SLC39A11: variants seen among roughly 807,000 people sequenced by gnomAD.
SLC39A11 encodes zinc transporter ZIP11.
Under a neutral mutation model 36.1 loss-of-function variants are expected in SLC39A11, and 33 were observed. The ratio of observed to expected loss-of-function variants is 0.91; its 90% CI spans 0.69 to 1.22. The LOEUF is 1.22. SLC39A11 is among the 50% of genes most tolerant of loss of function. SLC39A11 has a pLI of 0.00. For synonymous variants in SLC39A11, 166 were observed against 170.3 expected, an observed-to-expected ratio of 0.97 and a Z score of 0.20; for missense variants, 432 against 430.3, an observed-to-expected ratio of 1.00 and a Z score of -0.03.
intron 6 of SLC39A11, among the ~76,000 whole-genome samples, chr17:72,746,025 C>G (rs2074920871): frequency 6.6e-6 from 1 of 152,024 alleles, no homozygotes; most frequent in Non-Finnish European, 1.5e-5. Flanking sequence ...AGGCAAGAGG[C>G]AAAACTATGC....
At chr17:72,959,325 G>GTGTGTGTATATATATA (rs1436484912) in intron 4 of SLC39A11, among the ~76,000 whole-genome samples, 3 of 65,546 alleles carry the variant, frequency 4.6e-5, no homozygotes, top group African/African-American at 2.1e-4. Flanking sequence ...GTGTGTGTGT[G>GTGTGTGTATATATATA]TATATATATA....
At chr17:72,786,939 C>T (rs1004237399) in intron 6 of SLC39A11, among the ~76,000 whole-genome samples, 18 of 151,488 alleles carry the variant, frequency 1.2e-4, no homozygotes, top group African/African-American at 4.4e-4. Context: ...CCTGCCTCAG[C>T]CTCCCAGGTA....
At chr17:72,760,554 C>G (rs1412619676) in intron 6 of SLC39A11, among the ~76,000 whole-genome samples, 3 of 152,222 alleles carry the variant, frequency 2.0e-5, no homozygotes, top group Non-Finnish European at 4.4e-5. Context: ...CACCTACACA[C>G]CCCATCTCCT....
intron 1 of SLC39A11, among the ~76,000 whole-genome samples, chr17:73,090,810 G>A (rs2060898880): frequency 1.3e-5 from 2 of 152,156 alleles, no homozygotes. Flanking sequence ...CTGTCCCCAT[G>A]TATATCTGAG....
intron 4 of SLC39A11, among the ~76,000 whole-genome samples, chr17:73,021,064 C>G (rs1310408142): frequency 1.3e-5 from 2 of 152,120 alleles, no homozygotes; most frequent in South Asian, 4.1e-4. Flanking sequence ...ATCTCTACCC[C>G]CAAACTTCAC....
intron 4 of SLC39A11, among the ~76,000 whole-genome samples, chr17:73,005,387 C>T (rs1327238527): frequency 2.0e-5 from 3 of 152,182 alleles, no homozygotes; most frequent in Admixed American, 6.5e-5. Flanking sequence ...AGGGAACTGA[C>T]ACGTATCAAA....
intron 4 of SLC39A11, among the ~76,000 whole-genome samples, chr17:72,975,159 G>A (rs2087752840): frequency 6.6e-6 from 1 of 152,088 alleles, no homozygotes; most frequent in Non-Finnish European, 1.5e-5. Context: ...AGAGGTCCTA[G>A]ACCAGGCGGT....
intron 6 of SLC39A11, among the ~76,000 whole-genome samples, chr17:72,805,730 A>AT (rs796432423): frequency 4.0e-5 from 6 of 149,258 alleles, no homozygotes; most frequent in South Asian, 2.1e-4. Context: ...CTCAGAGTTA[A>AT]TTTTTTTTTC....
chr17:73,091,568 A>T (rs2060924098), intron 1 of SLC39A11, among the ~76,000 whole-genome samples: 1 of 152,158 alleles, frequency 6.6e-6, no homozygotes, highest in African/African-American at 2.4e-5. Flanking sequence ...CCAAAAGAAC[A>T]GAAAGTTTTC....
intron 4 of SLC39A11, among the ~76,000 whole-genome samples, chr17:73,004,179 G>GA (rs1390231957): frequency 8.0e-4 from 61 of 76,276 alleles, no homozygotes; most frequent in African/African-American, 3.5e-3. Flanking sequence ...AAGAAAGAAA[G>GA]AAAGAAAGAA....
At chr17:72,879,278 A>C (rs2081076083) in intron 5 of SLC39A11, among the ~76,000 whole-genome samples, 1 of 152,196 alleles carries the variant, frequency 6.6e-6, no homozygotes. Context: ...CCTTCTAATC[A>C]TGCCCTGGTC....
intron 2 of SLC39A11, among the ~76,000 whole-genome samples, chr17:73,086,083 G>A (rs1016750367): frequency 3.9e-5 from 6 of 152,190 alleles, no homozygotes; most frequent in African/African-American, 1.4e-4. Flanking sequence ...TGCTGTTAGA[G>A]ATCACATGGG....
At chr17:72,671,908 T>A (rs1190182490) in intron 7 of SLC39A11, among the ~76,000 whole-genome samples, 2 of 151,982 alleles carry the variant, frequency 1.3e-5, no homozygotes, top group Non-Finnish European at 2.9e-5. Context: ...AAGGGTAAAA[T>A]TTTTCAGTAA....
chr17:72,723,105 T>C (rs2073769438), intron 7 of SLC39A11, among the ~76,000 whole-genome samples: 1 of 152,162 alleles, frequency 6.6e-6, no homozygotes, highest in Non-Finnish European at 1.5e-5. Context: ...CCCAACAGTC[T>C]CATAGCCATG....
At chr17:72,833,836 C>G (rs2078394032) in intron 6 of SLC39A11, among the ~76,000 whole-genome samples, 1 of 152,124 alleles carries the variant, frequency 6.6e-6, no homozygotes, top group South Asian at 2.1e-4. Flanking sequence ...AACTCGCAAC[C>G]CACTTCAGTC....
chr17:72,852,355 T>C (rs914247771), intron 5 of SLC39A11, among the ~76,000 whole-genome samples: 1 of 152,092 alleles, frequency 6.6e-6, no homozygotes, highest in African/African-American at 2.4e-5. Context: ...TCTCTCTTAC[T>C]AACAGCTGAA....
chr17:72,693,732 G>A (rs778173889), intron 7 of SLC39A11, among the ~76,000 whole-genome samples: 8 of 152,020 alleles, frequency 5.3e-5, no homozygotes, highest in Non-Finnish European at 8.8e-5. Flanking sequence ...GCGCAATCTC[G>A]GCTCACTCCA....
At chr17:72,934,382 G>A (rs1040682315) in intron 5 of SLC39A11, among the ~76,000 whole-genome samples, 7 of 152,060 alleles carry the variant, frequency 4.6e-5, no homozygotes, top group South Asian at 2.1e-4. Context: ...AAGAACTCTC[G>A]GGGCCGGGCA....
At chr17:72,692,279 C>T (rs764108046) in intron 7 of SLC39A11, among the ~76,000 whole-genome samples, 14 of 152,116 alleles carry the variant, frequency 9.2e-5, no homozygotes, top group Non-Finnish European at 1.6e-4. Context: ...CCAAAGGGCT[C>T]AGATTACAGG....
Sources: gnomAD v4.1 joint callset for allele counts (sites outside exome capture counted in the v4.1 genomes callset) on GRCh38, gnomAD v4.1.1 for gene constraint, MANE v1.5 for transcripts, NCBI Gene and HGNC (gene_info 2026-07-23, HGNC 2026-07-21) for gene names.